The following CNTNAP2 variants were observed in gnomAD, a reference collection of about 807,000 sequenced individuals.
The protein encoded by CNTNAP2 is contactin-associated protein-like 2.
A neutral mutation model predicts 155.2 loss-of-function variants in CNTNAP2; 98 were observed. That is an observed-to-expected ratio of 0.63 (90% CI 0.54 to 0.75). The LOEUF (loss-of-function observed/expected upper bound fraction) is 0.75, where lower values mean the gene tolerates loss of function less well. CNTNAP2 is among the 30% of genes least tolerant of loss of function. The pLI, the probability that CNTNAP2 is intolerant of heterozygous loss-of-function variation, is 0.00. For missense variants in CNTNAP2, 1,727 were observed against 1,688.1 expected, an observed-to-expected ratio of 1.02 and a Z score of -0.40; for synonymous variants, 651 against 631.2, an observed-to-expected ratio of 1.03 and a Z score of -0.47.
At chr7:148,396,946 A>G (rs1245855241) in intron 22 of CNTNAP2, among the ~76,000 whole-genome samples, 1 of 152,266 alleles carries the variant, frequency 6.6e-6, no homozygotes, top group Non-Finnish European at 1.5e-5. Context: ...CCCTTTAAAC[A>G]TGCTAAAATG....
chr7:146,811,553 T>G (rs537621471), intron 2 of CNTNAP2, among the ~76,000 whole-genome samples: 3 of 152,114 alleles, frequency 2.0e-5, no homozygotes, highest in African/African-American at 7.2e-5. Context: ...TAAAGGTATA[T>G]AAATTTTGTT....
At chr7:147,696,493 G>C (rs1796162952) in intron 13 of CNTNAP2, among the ~76,000 whole-genome samples, 1 of 152,056 alleles carries the variant, frequency 6.6e-6, no homozygotes, top group Non-Finnish European at 1.5e-5. Flanking sequence ...CATATACATA[G>C]AGTACATTAT....
chr7:147,223,583 G>T (rs1236311870), intron 8 of CNTNAP2, among the ~76,000 whole-genome samples: 4 of 152,194 alleles, frequency 2.6e-5, no homozygotes, highest in Non-Finnish European at 4.4e-5. Context: ...GGAACGCAGT[G>T]TGGGATATTC....
At chr7:147,862,722 A>T (rs140625561) in intron 13 of CNTNAP2, among the ~76,000 whole-genome samples, 1 of 152,126 alleles carries the variant, frequency 6.6e-6, no homozygotes, top group African/African-American at 2.4e-5. Flanking sequence ...TGTTACCAAA[A>T]TGATAAAAGG....
intron 8 of CNTNAP2, among the ~76,000 whole-genome samples, chr7:147,274,984 G>C (rs1226525214): frequency 6.6e-6 from 1 of 151,674 alleles, no homozygotes; most frequent in Non-Finnish European, 1.5e-5. Flanking sequence ...GGTTGTGTGT[G>C]GCTTTATTTC....
At chr7:148,394,631 C>G (rs1447654984) in intron 22 of CNTNAP2, among the ~76,000 whole-genome samples, 2 of 152,224 alleles carry the variant, frequency 1.3e-5, no homozygotes, top group African/African-American at 4.8e-5. Context: ...TTCTCCATCT[C>G]TCTCCAAGTT....
intron 14 of CNTNAP2, among the ~76,000 whole-genome samples, chr7:147,960,015 C>T (rs1194288790): frequency 1.3e-5 from 2 of 152,112 alleles, no homozygotes; most frequent in East Asian, 1.9e-4. Context: ...CTCAGCACCT[C>T]GACTCTCTCC....
At chr7:146,782,564 T>C (rs17170260) in intron 2 of CNTNAP2, among the ~76,000 whole-genome samples, 24,453 of 152,096 alleles carry the variant, frequency 0.16, 2,292 homozygotes, top group South Asian at 0.3. Context: ...CTATGATTAC[T>C]ATATCTGAAC....
rs189727482 is a variant in CNTNAP2, at chr7:146,967,918, C to A, written c.403-75989C>A. On this transcript the variant is annotated intron_variant, in intron 3 of 23. Transcript: ENST00000361727. Reference sequence around the variant, plus strand: ...TCAAAGGGAGTGCTTCCAGTTTTTGCGCATTCAGTATGATATTGGCTGTGG... The same window carrying A: ...TCAAAGGGAGTGCTTCCAGTTTTTGAGCATTCAGTATGATATTGGCTGTGG... Among the ~76,000 whole-genome samples, 151 of 151,584 alleles carry A rather than the reference C, an allele frequency of 1.0e-3. 1 individual carries two copies. The highest frequency in any genetic ancestry group is 1.9e-3 in the Non-Finnish European group (130 of 67,860).
intron 3 of CNTNAP2, among the ~76,000 whole-genome samples, chr7:146,966,828 C>A (rs984932220): frequency 2.6e-5 from 4 of 152,158 alleles, no homozygotes; most frequent in Admixed American, 2.0e-4. Context: ...GATTCAATAT[C>A]TAGTTCAGCC....
At chr7:147,109,440 G>C (rs555637542) in intron 5 of CNTNAP2, among the ~76,000 whole-genome samples, 11 of 152,114 alleles carry the variant, frequency 7.2e-5, no homozygotes, top group Non-Finnish European at 1.5e-4. Context: ...GTTTGGACAT[G>C]GTTAATTTGA....
intron 3 of CNTNAP2, among the ~76,000 whole-genome samples, chr7:146,912,928 G>A (rs1285675068): frequency 2.6e-5 from 4 of 151,906 alleles, no homozygotes; most frequent in East Asian, 3.9e-4. Flanking sequence ...TATGTTATAC[G>A]ACAAGTAAAC....
At chr7:148,011,204 C>T (rs553834930) in intron 15 of CNTNAP2, among the ~76,000 whole-genome samples, 33 of 152,036 alleles carry the variant, frequency 2.2e-4, no homozygotes, top group Non-Finnish European at 4.0e-4. Context: ...TTTCAGTCAA[C>T]GTTATGTTTC....
At chr7:146,938,233 C>T (rs1222299821) in intron 3 of CNTNAP2, among the ~76,000 whole-genome samples, 5 of 151,994 alleles carry the variant, frequency 3.3e-5, no homozygotes, top group Admixed American at 3.3e-4. Context: ...CTATGTGACT[C>T]ATCTCCAAAG....
intron 3 of CNTNAP2, among the ~76,000 whole-genome samples, chr7:146,889,983 G>A (rs1411089322): frequency 1.3e-5 from 2 of 152,130 alleles, no homozygotes; most frequent in African/African-American, 4.8e-5. Context: ...CCCTAGCCAA[G>A]CGTCTATCAC....
chr7:146,944,185 A>T, intron 3 of CNTNAP2, among the ~76,000 whole-genome samples: 1 of 147,220 alleles, frequency 6.8e-6, no homozygotes. Flanking sequence ...TTTTTTTCTT[A>T]ATTTTTCTAT....
chr7:148,177,933 T>A (rs1214787328), intron 18 of CNTNAP2, among the ~76,000 whole-genome samples: 3 of 151,930 alleles, frequency 2.0e-5, no homozygotes, highest in Admixed American at 2.0e-4. Context: ...TAAGGTTTAT[T>A]CATTTATTGA....
intron 8 of CNTNAP2, among the ~76,000 whole-genome samples, chr7:147,147,611 T>G (rs1016293854): frequency 6.6e-6 from 1 of 152,144 alleles, no homozygotes; most frequent in African/African-American, 2.4e-5. Context: ...GTGGTCAGGA[T>G]GATTTTGCAT....
chr7:147,482,718 C>CTCAA (rs1394496679), intron 10 of CNTNAP2, among the ~76,000 whole-genome samples: 1 of 121,900 alleles, frequency 8.2e-6, no homozygotes, highest in East Asian at 2.6e-4. Context: ...GAGATTCCGT[C>CTCAA]TCAATAAATA....
Sources: allele counts gnomAD v4.1 joint callset (sites outside exome capture counted in the v4.1 genomes callset), GRCh38; gene constraint gnomAD v4.1.1; transcripts MANE v1.5; gene names NCBI Gene and HGNC (gene_info 2026-07-23, HGNC 2026-07-21).